Variants in SCEL observed in about 807,000 individuals in gnomAD.
The protein encoded by SCEL is sciellin.
SCEL carries 113 observed loss-of-function variants against 117.6 expected under a neutral mutation model. The ratio of observed to expected loss-of-function variants is 0.96; its 90% CI spans 0.83 to 1.12. The LOEUF (loss-of-function observed/expected upper bound fraction) is 1.12. Ranked by LOEUF, SCEL falls within the 50% of genes most tolerant of loss-of-function variation. The pLI, the probability that SCEL is intolerant of heterozygous loss-of-function variation, is 0.00. For missense variants in SCEL, 785 were observed against 810.8 expected, an observed-to-expected ratio of 0.97 and a Z score of 0.39; for synonymous variants, 270 against 256.2, an observed-to-expected ratio of 1.05 and a Z score of -0.51.
At chr13:77,565,484 T>C (rs2085238993) in intron 5 of SCEL, among the ~76,000 whole-genome samples, 1 of 152,234 alleles carries the variant, frequency 6.6e-6, no homozygotes, top group African/African-American at 2.4e-5. Context: ...CAAAGTATCC[T>C]GGCAGCTCAT....
chr13:77,572,120 A>C lies in SCEL; in HGVS notation c.480-4A>C, dbSNP rs750709945. The C allele has an allele frequency of 6.2e-7, 1 of 1,612,208 alleles. No individual in the cohort carries two copies. Among genetic ancestry groups the C allele is most frequent in the African/African-American group, 1.3e-5 (1 of 74,968 alleles). On this transcript the variant is annotated splice_region_variant and splice_polypyrimidine_tract_variant and intron_variant, in intron 8 of 32. Transcript: ENST00000349847. ...ATGTTTATTACCGTGTCATTTCTTA[A>C]CAGGCAGTCCTGGTTTCCACCGCCC...
intron 7 of SCEL, among the ~76,000 whole-genome samples, chr13:77,568,573 T>G (rs2085417461): frequency 6.6e-6 from 1 of 152,196 alleles, no homozygotes; most frequent in South Asian, 2.1e-4. Context: ...TAGATCATCC[T>G]TTCTTTCTTC....
intron 1 of SCEL, among the ~76,000 whole-genome samples, chr13:77,539,089 A>T (rs7320719): frequency 6.6e-6 from 1 of 151,950 alleles, no homozygotes; most frequent in Non-Finnish European, 1.5e-5. Flanking sequence ...AAAGAAATTT[A>T]TATACAAATG....
rs747291399 is a variant in SCEL at position 77,555,952 on chromosome 13, CT to C, written c.43+37del. Reference sequence around the variant, plus strand: ...CATGATGTTTCTCTCACTCAGAAAACTTTAAAATTTTGGAAAAACAACTCAC... The same window carrying C: ...CATGATGTTTCTCTCACTCAGAAAACTTAAAATTTTGGAAAAACAACTCAC... On this transcript the variant is annotated intron_variant, in intron 2 of 32. Coordinates refer to ENST00000349847, the MANE Select transcript of SCEL (RefSeq NM_144777.3). The C allele has an allele frequency of 6.9e-6, 11 of 1,596,172 alleles. No individual in the cohort carries two copies. The African/African-American group carries it at 1.3e-4, about 19-fold the overall frequency.
intron 9 of SCEL, among the ~76,000 whole-genome samples, chr13:77,583,481 T>C (rs1373055601): frequency 6.6e-6 from 1 of 152,214 alleles, no homozygotes; most frequent in Non-Finnish European, 1.5e-5. Context: ...TTTCTAGTCT[T>C]TGACTGCCCA....
intron 1 of SCEL, among the ~76,000 whole-genome samples, chr13:77,539,659 C>T (rs1567325758): frequency 6.6e-6 from 1 of 152,034 alleles, no homozygotes; most frequent in Non-Finnish European, 1.5e-5. Flanking sequence ...CTCAGCCTCC[C>T]GAATAGCTGG....
At chr13:77,597,898 A>G (rs989745277) in intron 13 of SCEL, among the ~76,000 whole-genome samples, 5 of 152,036 alleles carry the variant, frequency 3.3e-5, no homozygotes, top group Non-Finnish European at 7.3e-5. Flanking sequence ...ATTTGGTTTG[A>G]TCATGGAATA....
chr13:77,603,636 CT>C (rs1393560489), intron 18 of SCEL, among the ~76,000 whole-genome samples: 3 of 152,154 alleles, frequency 2.0e-5, no homozygotes, highest in Non-Finnish European at 4.4e-5. Context: ...AATCGCAGTG[CT>C]TCTGTCTTCC....
intron 9 of SCEL, among the ~76,000 whole-genome samples, chr13:77,578,650 C>G (rs2086092826): frequency 6.6e-6 from 1 of 152,120 alleles, no homozygotes; most frequent in Non-Finnish European, 1.5e-5. Flanking sequence ...AAAGAAGTAA[C>G]ACAATGCTAG....
At chr13:77,643,267 A>G (rs1338928243) in intron 32 of SCEL, among the ~76,000 whole-genome samples, 5 of 152,186 alleles carry the variant, frequency 3.3e-5, no homozygotes, top group African/African-American at 1.2e-4. Flanking sequence ...TATAGCATTT[A>G]AGTTTTCTAT....
intron 27 of SCEL, among the ~76,000 whole-genome samples, chr13:77,627,593 A>T (rs1383456312): frequency 6.6e-6 from 1 of 152,142 alleles, no homozygotes; most frequent in Non-Finnish European, 1.5e-5. Flanking sequence ...AAATTATATG[A>T]ATGTATTAAA....
chr13:77,642,006 T>C (rs1249357486), intron 31 of SCEL, among the ~76,000 whole-genome samples: 1 of 152,198 alleles, frequency 6.6e-6, no homozygotes, highest in Non-Finnish European at 1.5e-5. Flanking sequence ...AAAATTACTA[T>C]GCAGAAAAAT....
chr13:77,634,420 T>C lies in SCEL; in HGVS notation c.1733T>C (p.Val578Ala), dbSNP rs1174008479. The change falls in exon 29 of 33, where the codon GTT (valine) becomes GCT (alanine). Residue 578 changes from valine (V) to alanine (A), a missense_variant. Coordinates refer to ENST00000349847, the MANE Select transcript of SCEL (RefSeq NM_144777.3). ...GAKQAGPQDT[V>A]VYTRTYVENS... is the part of the protein sequence containing the mutation. Reference sequence around the variant, plus strand: ...AAGCAGGCAGGACCACAGGATACTGTTGTGTACACAAGGACATATGTGGAG... The same window carrying C: ...AAGCAGGCAGGACCACAGGATACTGCTGTGTACACAAGGACATATGTGGAG... 6.2e-7 allele frequency: 1 copy of C among 1,613,406 alleles called. No homozygotes were observed. Among genetic ancestry groups the C allele is most frequent in the South Asian group, 1.1e-5 (1 of 91,024 alleles).
chr13:77,617,822 C>T lies in SCEL; in HGVS notation c.1531C>T (p.Leu511Phe), dbSNP rs41306017. The T allele has an allele frequency of 2.4e-4, 391 of 1,611,312 alleles. 2 individuals carry two copies. In the African/African-American group the frequency reaches 4.7e-3, roughly 20 times the overall value. The change falls in exon 26 of 33, where the codon CTC (leucine) becomes TTC (phenylalanine). Residue 511 changes from leucine to phenylalanine, a missense_variant. Leu to Phe is a conservative substitution (Grantham distance 22, BLOSUM62 0). Transcript: ENST00000349847. ...NNQRNQDLAN[L>F]IKVNPAVIRN... ...TTAAAGAAACCAAGATCTTGCTAAC[C>T]TCATCAAAGTAAATCCTGCAGTAAT...
chr13:77,582,169 C>T (rs1268788836), intron 9 of SCEL, among the ~76,000 whole-genome samples: 1 of 152,076 alleles, frequency 6.6e-6, no homozygotes, highest in Non-Finnish European at 1.5e-5. Flanking sequence ...TTATATACAC[C>T]CTTTTCATAT....
intron 8 of SCEL, 92 bp from the exon 9 acceptor site, chr13:77,572,032 C>G: frequency 9.6e-7 from 1 of 1,045,596 alleles, no homozygotes; most frequent in Non-Finnish European, 1.5e-6. Context: ...GGTATAATCT[C>G]ATTGTCTTTT....
At chr13:77,606,277 A>T (rs2088177074) in intron 19 of SCEL, among the ~76,000 whole-genome samples, 1 of 152,130 alleles carries the variant, frequency 6.6e-6, no homozygotes. Flanking sequence ...TTTTTTGTGT[A>T]TATGGGTGCA....
chr13:77,537,109 AT>A (rs1201657787), intron 1 of SCEL, among the ~76,000 whole-genome samples: 1 of 152,238 alleles, frequency 6.6e-6, no homozygotes, highest in Non-Finnish European at 1.5e-5. Flanking sequence ...AACAGTAAAA[AT>A]TTTAGTAAAA....
chr13:77,537,005 A>G (rs2083449304), intron 1 of SCEL, among the ~76,000 whole-genome samples: 3 of 152,364 alleles, frequency 2.0e-5, no homozygotes, highest in South Asian at 4.1e-4. Flanking sequence ...TTTCACTTCC[A>G]TAGTTTATAA....
Sources: gnomAD v4.1 joint callset for allele counts (sites outside exome capture counted in the v4.1 genomes callset) on GRCh38, gnomAD v4.1.1 for gene constraint, MANE v1.5 for transcripts, NCBI Gene and HGNC (gene_info 2026-07-23, HGNC 2026-07-21) for gene names.